Variants in TCAF1 observed in about 807,000 individuals in gnomAD.
TCAF1 encodes the protein TRPM8 channel associated factor 1.
Under a neutral mutation model 27.3 loss-of-function variants are expected in TCAF1, and 4 were observed. The ratio of observed to expected loss-of-function variants is 0.15; its 90% CI spans 0.07 to 0.34. TCAF1 has a LOEUF of 0.34. Ranked by LOEUF, TCAF1 falls within the 10% of genes least tolerant of loss-of-function variation. TCAF1 has a pLI of 1.00. For missense variants in TCAF1, 257 were observed against 425.8 expected, an observed-to-expected ratio of 0.60 and a Z score of 3.49; for synonymous variants, 105 against 167.1, an observed-to-expected ratio of 0.63 and a Z score of 2.87.
At chr7:143,895,124 T>C (rs572034853) in intron 1 of TCAF1, among the ~76,000 whole-genome samples, 39 of 152,006 alleles carry the variant, frequency 2.6e-4, no homozygotes, top group African/African-American at 8.9e-4. Flanking sequence ...ATATTTCTGA[T>C]GGGAACATAA....
intron 1 of TCAF1, among the ~76,000 whole-genome samples, chr7:143,893,739 T>G (rs1253668077): frequency 1.3e-5 from 2 of 151,736 alleles, no homozygotes; most frequent in African/African-American, 2.4e-5. Context: ...TTTATCAAAA[T>G]TTGCAGGAGG....
intron 1 of TCAF1, among the ~76,000 whole-genome samples, chr7:143,886,177 G>A (rs1011412436): frequency 6.6e-6 from 1 of 152,148 alleles, no homozygotes; most frequent in African/African-American, 2.4e-5. Flanking sequence ...TTTTATGGCT[G>A]GTCCCCAGGG....
chr7:143,859,862 T>TACATATATATATACAC (rs377600497), intron 6 of TCAF1, among the ~76,000 whole-genome samples: 21 of 64,712 alleles, frequency 3.2e-4, no homozygotes, highest in South Asian at 2.9e-3. Context: ...CTGTTTTATA[T>TACATATATATATACAC]ACACATATAC....
At chr7:143,881,210 A>G (rs1395913687) in intron 1 of TCAF1, among the ~76,000 whole-genome samples, 2 of 152,224 alleles carry the variant, frequency 1.3e-5, no homozygotes, top group East Asian at 3.8e-4. Flanking sequence ...CTGAAACTAG[A>G]GTAAGTGTCT....
At chr7:143,884,777 G>A (rs1813306467) in intron 1 of TCAF1, among the ~76,000 whole-genome samples, 1 of 152,050 alleles carries the variant, frequency 6.6e-6, no homozygotes, top group South Asian at 2.1e-4. Flanking sequence ...AGGGAGCGCT[G>A]AAGCAAAGGT....
chr7:143,896,484 T>C (rs936668900), intron 1 of TCAF1, among the ~76,000 whole-genome samples: 11 of 152,072 alleles, frequency 7.2e-5, no homozygotes, highest in Admixed American at 3.3e-4. Context: ...ATTAAAACAG[T>C]TGATACACAG....
chr7:143,885,483 C>A, intron 1 of TCAF1: 1 of 985,396 alleles, frequency 1.0e-6, no homozygotes, highest in Middle Eastern at 5.2e-4. Context: ...CCCCAAGATG[C>A]CGCCCCAGAT....
Position 143,876,233 on chromosome 7 carries a change from A to G in TCAF1, c.376T>C (p.Cys126Arg). 6.2e-7 allele frequency: 1 copy of G among 1,614,230 alleles called. No homozygotes were observed. Among genetic ancestry groups the G allele is most frequent in the South Asian group, 1.1e-5 (1 of 91,090 alleles). ...PEVKDSLGVYCIDAYNETMTE... is the reference protein window; with the variant it reads ...PEVKDSLGVYRIDAYNETMTE... ...ATGGTTTCATTGTAGGCATCAATACAGTAAACCCCCAGGGAGTCTTTCACT... is the reference window on the plus strand; with the variant it reads ...ATGGTTTCATTGTAGGCATCAATACGGTAAACCCCCAGGGAGTCTTTCACT... Residue 126 changes from cysteine (C) to arginine (R), a missense_variant, in exon 2 of 9, where the codon TGT (cysteine) becomes CGT (arginine). By Grantham distance (180) the Cys-to-Arg change is radical (BLOSUM62 -3). Coordinates refer to ENST00000479870, the MANE Select transcript of TCAF1 (RefSeq NM_014719.3).
chr7:143,889,196 C>A (rs979386340), intron 1 of TCAF1, among the ~76,000 whole-genome samples: 4 of 152,052 alleles, frequency 2.6e-5, no homozygotes, highest in African/African-American at 9.7e-5. Context: ...AGACCTAAGA[C>A]ACATCTGATC....
chr7:143,891,284 G>A (rs766936286), intron 1 of TCAF1, among the ~76,000 whole-genome samples: 4 of 152,046 alleles, frequency 2.6e-5, no homozygotes, highest in Non-Finnish European at 5.9e-5. Flanking sequence ...AACAGAATAA[G>A]TTGCCAATAA....
At chr7:143,870,262 G>C (rs1294028656) in intron 2 of TCAF1, among the ~76,000 whole-genome samples, 1 of 147,400 alleles carries the variant, frequency 6.8e-6, no homozygotes. Flanking sequence ...TACAGATTTT[G>C]GGTTTAATTC....
At chr7:143,859,918 A>T (rs1811824638) in intron 6 of TCAF1, among the ~76,000 whole-genome samples, 2 of 74,680 alleles carry the variant, frequency 2.7e-5, no homozygotes, top group South Asian at 4.0e-4. Context: ...ATATTACGGA[A>T]TATATATTAT....
chr7:143,901,804 A>C (rs778189493), intron 1 of TCAF1, among the ~76,000 whole-genome samples, 157 bp downstream of exon 1: 1 of 152,226 alleles, frequency 6.6e-6, no homozygotes, highest in Non-Finnish European at 1.5e-5. Context: ...ACCGAGCTGC[A>C]GAGAAAAATC....
At chr7:143,858,653 A>G (rs1470836282) in intron 7 of TCAF1, among the ~76,000 whole-genome samples, 171 bp downstream of exon 7, 1 of 152,176 alleles carries the variant, frequency 6.6e-6, no homozygotes, top group Non-Finnish European at 1.5e-5. Context: ...ATGCACTAAG[A>G]GACATCATCA....
At chr7:143,892,805 C>T (rs1381399954) in intron 1 of TCAF1, among the ~76,000 whole-genome samples, 5 of 152,104 alleles carry the variant, frequency 3.3e-5, no homozygotes, top group South Asian at 4.1e-4. Flanking sequence ...AAGACGAGAA[C>T]GAGACTAGAG....
At chr7:143,883,802 C>T (rs1813240284) in intron 1 of TCAF1, among the ~76,000 whole-genome samples, 1 of 152,138 alleles carries the variant, frequency 6.6e-6, no homozygotes, top group South Asian at 2.1e-4. Flanking sequence ...ACCATCGTGC[C>T]CGCTCCCCAT....
chr7:143,887,208 C>T lies in TCAF1; in HGVS notation c.-14-10586G>A, dbSNP rs779730252. Among the ~76,000 whole-genome samples the T allele has an allele frequency of 3.3e-5, 5 of 152,174 alleles. No homozygotes were observed. In the South Asian group the frequency reaches 6.2e-4, roughly 19 times the overall value. On this transcript the variant is annotated intron_variant, in intron 1 of 8. Coordinates refer to ENST00000479870, the MANE Select transcript of TCAF1 (RefSeq NM_014719.3). ...AAGTATTCAAATAACTTTTGAGATACTAAGTTTGGTAAATATTCTGAAACA... is the reference window on the plus strand; with the variant it reads ...AAGTATTCAAATAACTTTTGAGATATTAAGTTTGGTAAATATTCTGAAACA...
chr7:143,879,751 C>G (rs1351096082), intron 1 of TCAF1, among the ~76,000 whole-genome samples: 1 of 152,034 alleles, frequency 6.6e-6, no homozygotes, highest in Non-Finnish European at 1.5e-5. Flanking sequence ...TAACCCAAAC[C>G]CACACCTATC....
At chr7:143,882,951 G>A (rs1813158471) in intron 1 of TCAF1, 1 of 862,952 alleles carries the variant, frequency 1.2e-6, no homozygotes, top group Non-Finnish European at 1.4e-6. Flanking sequence ...GCTCCAGGGG[G>A]CGGCGCTTGG....
Sources: allele counts gnomAD v4.1 joint callset (sites outside exome capture counted in the v4.1 genomes callset), GRCh38; gene constraint gnomAD v4.1.1; transcripts MANE v1.5; gene names NCBI Gene and HGNC (gene_info 2026-07-23, HGNC 2026-07-21).